Variants in PLXNA1 observed in about 807,000 individuals in gnomAD.
PLXNA1 encodes the protein plexin-A1.
PLXNA1 carries 77 observed loss-of-function variants against 191.7 expected under a neutral mutation model. That is an observed-to-expected ratio of 0.40 (90% CI 0.33 to 0.49). The LOEUF is 0.49. Ranked by LOEUF, PLXNA1 falls within the 20% of genes least tolerant of loss-of-function variation. PLXNA1 has a pLI of 0.63. For synonymous variants in PLXNA1, 1,137 were observed against 1,156.4 expected, an observed-to-expected ratio of 0.98 and a Z score of 0.34; for missense variants, 2,110 against 2,660.2, an observed-to-expected ratio of 0.79 and a Z score of 4.55.
chr3:127,009,053 T>G (rs2079082956), intron 9 of PLXNA1, among the ~76,000 whole-genome samples: 1 of 152,128 alleles, frequency 6.6e-6, no homozygotes, highest in Non-Finnish European at 1.5e-5. Context: ...CGGTGGAATC[T>G]GAGGCGAGAG....
intron 1 of PLXNA1, among the ~76,000 whole-genome samples, chr3:126,987,856 A>G (rs749832176): frequency 1.4e-5 from 2 of 146,670 alleles, no homozygotes; most frequent in Non-Finnish European, 3.0e-5. Context: ...TTTATCCAGC[A>G]TGGGGCTTGG....
rs532069081 is a variant in PLXNA1, at chr3:127,020,230, C to T, written c.3924C>T (p.His1308=). The T allele has an allele frequency of 1.4e-4, 233 of 1,613,170 alleles. 2 individuals carry two copies. In the East Asian group the frequency reaches 2.6e-3, roughly 18 times the overall value. The part of the protein sequence containing the change: ...EAFAELQTDI[H]ELTNDLDGAG... Reference sequence around the variant, plus strand: ...TTGCAGAGCTGCAGACAGACATCCACGAGCTGACCAATGACCTGGACGGTG... The same window carrying T: ...TTGCAGAGCTGCAGACAGACATCCATGAGCTGACCAATGACCTGGACGGTG... The change falls in exon 21 of 32, where the codon CAC becomes CAT. Residue 1308 remains histidine, a synonymous_variant. Transcript: ENST00000393409.
chr3:127,014,921 C>G, intron 14 of PLXNA1, 90 bp downstream of exon 14: 1 of 1,523,608 alleles, frequency 6.6e-7, no homozygotes, highest in Non-Finnish European at 8.8e-7. Context: ...GGCCCCTTGT[C>G]TGGCCATGCT....
At chr3:127,020,557 G>A (rs1287579184) in intron 21 of PLXNA1, among the ~76,000 whole-genome samples, 1 of 152,050 alleles carries the variant, frequency 6.6e-6, no homozygotes, top group Non-Finnish European at 1.5e-5. Context: ...CCTGAGCCCT[G>A]GGGTTGGGGC....
intron 10 of PLXNA1, 47 bp from the exon 11 acceptor site, chr3:127,013,973 C>A (rs1416940018): frequency 2.5e-6 from 4 of 1,573,106 alleles, no homozygotes; most frequent in Non-Finnish European, 2.6e-6. Context: ...CTTGGGAGGC[C>A]TGGAGGCCGC....
chr3:126,985,227 TGGCGTTCCACCAG>T (rs2078952322), intron 1 of PLXNA1, among the ~76,000 whole-genome samples: 1 of 152,100 alleles, frequency 6.6e-6, no homozygotes, highest in Admixed American at 6.5e-5. Flanking sequence ...ACTGTTGGCT[TGGCGTTCCACCAG>T]GCGGCGATCC....
Position 127,015,335 on chromosome 3 carries a change from TG to T in PLXNA1, c.3014+20del. ...TCCTTCTCCTGGTACGGGGTGCAGGTGGGGGTGGGGGCCTGGCTGCCCCTCC... is the reference window on the plus strand; with the variant it reads ...TCCTTCTCCTGGTACGGGGTGCAGGTGGGGTGGGGGCCTGGCTGCCCCTCC... On this transcript the variant is annotated intron_variant, in intron 15 of 31. Transcript: ENST00000393409. The T allele has an allele frequency of 1.4e-6, 2 of 1,457,928 alleles. No homozygotes were observed. The highest frequency in any genetic ancestry group is 1.8e-6 in the Non-Finnish European group (2 of 1,087,274). The allele number at this position is 1,457,928 out of a possible 1,614,324, so 90.3% of individuals were successfully genotyped here. A position where few individuals can be genotyped will look rare whatever the true frequency, so the allele number is the denominator to read the frequency against.
In PLXNA1 at chr3:127,027,954, G is replaced by A. The variant is rs1387000666; in HGVS notation, c.4377G>A (p.Glu1459=). 1 of 1,613,498 alleles carries A rather than the reference G, an allele frequency of 6.2e-7. No individual in the cohort carries two copies. Among genetic ancestry groups the A allele is most frequent in the Non-Finnish European group, 8.5e-7 (1 of 1,179,992 alleles). The change falls in exon 24 of 32, where the codon GAG becomes GAA. Residue 1459 remains glutamate (E), a synonymous_variant. Transcript: ENST00000393409. ...LYKFLKECAG[E]PLFMLYCAIK... ...CACCCCCGCAGGAGTGCGCTGGGGA[G>A]CCGCTGTTCATGCTGTACTGCGCCA...
chr3:127,025,172 A>G (rs1222039813), intron 23 of PLXNA1, among the ~76,000 whole-genome samples: 1 of 152,092 alleles, frequency 6.6e-6, no homozygotes, highest in African/African-American at 2.4e-5. Context: ...CCACCGTTAT[A>G]GTGTCACACA....
intron 18 of PLXNA1, 28 bp from the exon 19 acceptor site, chr3:127,017,721 G>A: frequency 6.2e-7 from 1 of 1,613,178 alleles, no homozygotes; most frequent in Non-Finnish European, 8.5e-7. Context: ...CCTCGTCCTG[G>A]GCTCTGGCTC....
chr3:126,996,632 A>G (rs2079016040), intron 3 of PLXNA1, among the ~76,000 whole-genome samples: 1 of 152,162 alleles, frequency 6.6e-6, no homozygotes, highest in Non-Finnish European at 1.5e-5. Context: ...CCCTGACCCA[A>G]GGGAGGTGCA....
chr3:126,995,216 C>T (rs533358094), intron 3 of PLXNA1, among the ~76,000 whole-genome samples: 27 of 152,298 alleles, frequency 1.8e-4, no homozygotes, highest in African/African-American at 6.5e-4. Context: ...TCACCAGAGC[C>T]CTGCCTGGCA....
At position 127,028,990 on chromosome 3, in the gene PLXNA1, C is replaced by G; in HGVS notation, c.4670-3C>G. ...CCCACCCTCCAGCTCCCTCCTCCCC[C>G]AGAGTGGCGCCAGGGCCGCATGGCG... On this transcript the variant is annotated splice_region_variant and splice_polypyrimidine_tract_variant and intron_variant, in intron 25 of 31. Coordinates refer to ENST00000393409, the MANE Select transcript of PLXNA1 (RefSeq NM_032242.4). 1.2e-6 allele frequency: 2 copies of G among 1,611,278 alleles called. No homozygotes were observed. The highest frequency in any genetic ancestry group is 1.7e-6 in the Non-Finnish European group (2 of 1,179,386).
chr3:126,983,863 G>T (rs1398689686), intron 1 of PLXNA1, among the ~76,000 whole-genome samples: 1 of 152,142 alleles, frequency 6.6e-6, no homozygotes, highest in East Asian at 1.9e-4. Flanking sequence ...GGTCGTGCAG[G>T]CTAAGCCCCC....
chr3:127,010,095 C>T (rs56013878), intron 9 of PLXNA1, among the ~76,000 whole-genome samples: 15,568 of 152,282 alleles, frequency 0.1, 884 homozygotes, highest in Middle Eastern at 0.22. Context: ...TGGCAAAATG[C>T]ACCCTGTTAA....
At chr3:127,030,560 G>C in intron 29 of PLXNA1, 148 bp downstream of exon 29, 1 of 949,062 alleles carries the variant, frequency 1.1e-6, no homozygotes, top group Non-Finnish European at 1.6e-6. Context: ...GGCCAGTCCT[G>C]TGCTAACTGG....
intron 9 of PLXNA1, among the ~76,000 whole-genome samples, chr3:127,010,624 T>G (rs1403044673): frequency 6.6e-6 from 1 of 152,166 alleles, no homozygotes; most frequent in Non-Finnish European, 1.5e-5. Context: ...CACATTGGCC[T>G]TGATGCGTGC....
chr3:127,010,237 C>T lies in PLXNA1; in HGVS notation c.2113-1721C>T, dbSNP rs369328880. On this transcript the variant is annotated intron_variant, in intron 9 of 31. Coordinates refer to ENST00000393409, the MANE Select transcript of PLXNA1 (RefSeq NM_032242.4). Reference sequence around the variant, plus strand: ...TGAAGAAGGACCTCCAGCCTTTTACCGGGGAGACTATGCACTGGGGAAGAG... The same window carrying T: ...TGAAGAAGGACCTCCAGCCTTTTACTGGGGAGACTATGCACTGGGGAAGAG... Among the ~76,000 whole-genome samples the T allele has an allele frequency of 1.3e-3, 198 of 152,278 alleles. 1 individual carries two copies. The highest frequency in any genetic ancestry group is 4.3e-3 in the African/African-American group (179 of 41,538).
intron 30 of PLXNA1, 27 bp downstream of exon 30, chr3:127,032,626 G>A: frequency 6.2e-7 from 1 of 1,610,100 alleles, no homozygotes; most frequent in Non-Finnish European, 8.5e-7. Flanking sequence ...GGGGTCGGGG[G>A]CAGGGGCCCG....
Sources: gnomAD v4.1 joint callset for allele counts (sites outside exome capture counted in the v4.1 genomes callset) on GRCh38, gnomAD v4.1.1 for gene constraint, MANE v1.5 for transcripts, NCBI Gene and HGNC (gene_info 2026-07-23, HGNC 2026-07-21) for gene names.